The following DNM3 variants were observed in gnomAD, a reference collection of about 807,000 sequenced individuals.
The protein encoded by DNM3 is dynamin 3, also known as dynamin-3.
DNM3 carries 47 observed loss-of-function variants against 101.6 expected under a neutral mutation model. The ratio of observed to expected loss-of-function variants is 0.46; its 90% CI spans 0.37 to 0.59. DNM3 has a LOEUF of 0.59. Among genes scored for constraint, DNM3 ranks in the 20% least tolerant of loss-of-function variants. The probability of loss-of-function intolerance (pLI) is 0.00; values close to 1 mark genes in which losing one functional copy is unlikely to be tolerated. For missense variants in DNM3, 849 were observed against 1,085.7 expected (o/e 0.78, Z 3.06); for synonymous variants, 385 against 387.9 (o/e 0.99, Z 0.09).
intron 6 of DNM3, among the ~76,000 whole-genome samples, chr1:172,036,694 A>T (rs1375696867): frequency 2.0e-4 from 31 of 152,196 alleles, no homozygotes; most frequent in Non-Finnish European, 3.7e-4. Context: ...TAAAAACCCT[A>T]GAAGAAAACC....
At chr1:172,345,993 C>T (rs1210354850) in intron 17 of DNM3, among the ~76,000 whole-genome samples, 5 of 151,616 alleles carry the variant, frequency 3.3e-5, no homozygotes, top group Non-Finnish European at 5.9e-5. Context: ...TGCTTGTGGG[C>T]GTGGTTGTAG....
intron 13 of DNM3, among the ~76,000 whole-genome samples, chr1:172,106,616 A>G (rs950706058): frequency 1.3e-5 from 2 of 152,110 alleles, no homozygotes; most frequent in Non-Finnish European, 2.9e-5. Context: ...GAAATTTTCA[A>G]AAAAAGTAAA....
chr1:172,173,216 T>G lies in DNM3; in HGVS notation c.1659+41928T>G, dbSNP rs547461050. On this transcript the variant is annotated intron_variant, in intron 14 of 20. Transcript: ENST00000627582. ...GACGGTGAAGATGGAGAGCCAGGGA[T>G]GGAAGAGGGATGTTAAAGTAATAGA... 4.7e-4 allele frequency among the ~76,000 whole-genome samples: 71 copies of G among 151,582 alleles called. 1 individual carries two copies. Among genetic ancestry groups the G allele is most frequent in the Admixed American group, 1.4e-3 (21 of 15,150 alleles).
At chr1:171,995,646 G>T (rs1273010863) in intron 4 of DNM3, among the ~76,000 whole-genome samples, 1 of 152,022 alleles carries the variant, frequency 6.6e-6, no homozygotes, top group Admixed American at 6.6e-5. Flanking sequence ...CATTTGAGTT[G>T]GGATGGTGAG....
At chr1:172,195,898 T>C (rs777302427) in intron 14 of DNM3, among the ~76,000 whole-genome samples, 2 of 151,806 alleles carry the variant, frequency 1.3e-5, no homozygotes, top group South Asian at 4.1e-4. Context: ...GTAGTAACTA[T>C]CTGTTTTCAT....
chr1:172,351,299 A>T (rs1465057342), intron 17 of DNM3, among the ~76,000 whole-genome samples: 2 of 152,214 alleles, frequency 1.3e-5, no homozygotes, highest in South Asian at 4.1e-4. Flanking sequence ...CCAGAGAATG[A>T]ATACACAAAA....
intron 14 of DNM3, among the ~76,000 whole-genome samples, chr1:172,190,650 T>C (rs1025571704): frequency 1.3e-5 from 2 of 152,174 alleles, no homozygotes; most frequent in African/African-American, 2.4e-5. Flanking sequence ...AAAGTGTTCC[T>C]ATTTCTCCAC....
chr1:172,276,700 C>T (rs970637287), intron 15 of DNM3, among the ~76,000 whole-genome samples: 2 of 151,714 alleles, frequency 1.3e-5, no homozygotes, highest in African/African-American at 4.8e-5. Flanking sequence ...TTCTGAGATT[C>T]TTCTTATGAG....
chr1:172,190,749 C>T (rs2059687794), intron 14 of DNM3, among the ~76,000 whole-genome samples: 1 of 152,158 alleles, frequency 6.6e-6, no homozygotes, highest in Non-Finnish European at 1.5e-5. Flanking sequence ...TTTTGATTTG[C>T]ATTTCTCTGA....
chr1:172,042,189 A>G (rs762562522), intron 8 of DNM3, 45 bp downstream of exon 8: 15 of 1,540,110 alleles, frequency 9.7e-6, no homozygotes, highest in Non-Finnish European at 7.9e-6. Context: ...CTTCACTTCC[A>G]TATTCTGTTT....
chr1:172,149,814 C>T (rs1259209602), intron 14 of DNM3, among the ~76,000 whole-genome samples: 1 of 151,982 alleles, frequency 6.6e-6, no homozygotes, highest in Non-Finnish European at 1.5e-5. Context: ...TATAAGGACA[C>T]AGAAACTACT....
chr1:172,315,148 T>C (rs1468744421), intron 16 of DNM3, among the ~76,000 whole-genome samples: 9 of 152,268 alleles, frequency 5.9e-5, no homozygotes, highest in African/African-American at 2.2e-4. Context: ...AGTGGACCTC[T>C]AGCAAAGTCC....
chr1:172,172,594 C>T (rs769759650), intron 14 of DNM3, among the ~76,000 whole-genome samples: 1 of 151,606 alleles, frequency 6.6e-6, no homozygotes, highest in Non-Finnish European at 1.5e-5. Context: ...AAAGCAAAAC[C>T]ATGAATAAGG....
intron 1 of DNM3, among the ~76,000 whole-genome samples, chr1:171,848,852 T>C (rs1203153212): frequency 6.6e-6 from 1 of 152,234 alleles, no homozygotes; most frequent in African/African-American, 2.4e-5. Context: ...AGGAAAATGA[T>C]GATACATTTA....
At position 172,307,246 on chromosome 1, in the gene DNM3, G is replaced by C. The variant is rs955954014; in HGVS notation, c.1770-1482G>C. On this transcript the variant is annotated intron_variant, in intron 15 of 20. Coordinates refer to ENST00000627582, the MANE Select transcript of DNM3 (RefSeq NM_015569.5). ...GCATATGAACAGATACTTCTCAAAA[G>C]AAAACATTTATGCAGACACATGAAA... Among the ~76,000 whole-genome samples, 5 of 152,140 alleles carry C rather than the reference G, an allele frequency of 3.3e-5. No individual in the cohort carries two copies. In the South Asian group the frequency reaches 1.0e-3, roughly 31 times the overall value.
chr1:172,364,786 G>T (rs920372734), intron 17 of DNM3, among the ~76,000 whole-genome samples: 1 of 151,786 alleles, frequency 6.6e-6, no homozygotes, highest in Non-Finnish European at 1.5e-5. Flanking sequence ...GACAGTGAGT[G>T]AGTTCTTATA....
intron 17 of DNM3, among the ~76,000 whole-genome samples, chr1:172,368,972 G>A (rs569535033): frequency 2.1e-4 from 32 of 151,872 alleles, no homozygotes; most frequent in African/African-American, 7.2e-4. Flanking sequence ...ATTCGGTAAC[G>A]AAACTGAGTC....
chr1:171,909,607 A>G (rs966851499), intron 1 of DNM3, among the ~76,000 whole-genome samples: 2 of 152,128 alleles, frequency 1.3e-5, no homozygotes, highest in Non-Finnish European at 2.9e-5. Flanking sequence ...TTTCTTGACT[A>G]GTGCTCTTTC....
At chr1:171,894,089 T>C (rs968075515) in intron 1 of DNM3, among the ~76,000 whole-genome samples, 1 of 152,152 alleles carries the variant, frequency 6.6e-6, no homozygotes, top group Non-Finnish European at 1.5e-5. Flanking sequence ...CCCAAAGTGC[T>C]GGGATTACAG....
Sources: allele counts gnomAD v4.1 joint callset (sites outside exome capture counted in the v4.1 genomes callset), GRCh38; gene constraint gnomAD v4.1.1; transcripts MANE v1.5; gene names NCBI Gene and HGNC (gene_info 2026-07-23, HGNC 2026-07-21).